The following FHIT variants were observed in gnomAD, a reference collection of about 807,000 sequenced individuals.
FHIT encodes the protein fragile histidine triad diadenosine triphosphatase, also known as bis(5'-adenosyl)-triphosphatase.
In FHIT, 19 loss-of-function variants were observed where a neutral mutation model predicts 17.9. That is an observed-to-expected ratio of 1.06 (90% CI 0.74 to 1.56). The LOEUF is 1.56. Among genes scored for constraint, FHIT ranks in the 40% most tolerant of loss-of-function variants. The pLI is 0.00. For missense variants in FHIT, 248 were observed against 189.2 expected, an observed-to-expected ratio of 1.31 and a Z score of -1.82; for synonymous variants, 81 against 69.7, an observed-to-expected ratio of 1.16 and a Z score of -0.81.
rs2107228270 is a variant in FHIT, at chr3:60,123,112, T to C, written c.104-108960A>G. ...TTTTAAAGCCTATATTAAAGTAGGCTTAAGCAAGCACGGAAAAGAAAGCCA... is the reference window on the plus strand; with the variant it reads ...TTTTAAAGCCTATATTAAAGTAGGCCTAAGCAAGCACGGAAAAGAAAGCCA... On this transcript the variant is annotated intron_variant, in intron 5 of 9. Transcript: ENST00000492590. Among the ~76,000 whole-genome samples, 2 of 152,284 alleles carry C rather than the reference T, an allele frequency of 1.3e-5. 1 individual carries two copies. The highest frequency in any genetic ancestry group is 4.1e-4 in the South Asian group (2 of 4,828).
chr3:60,951,793 C>T (rs1265388917), intron 3 of FHIT, among the ~76,000 whole-genome samples: 1 of 152,184 alleles, frequency 6.6e-6, no homozygotes, highest in Non-Finnish European at 1.5e-5. Flanking sequence ...CCTTGTTCTT[C>T]ATTAACTAGT....
chr3:60,473,453 A>T (rs1210643206), intron 5 of FHIT, among the ~76,000 whole-genome samples: 2 of 152,192 alleles, frequency 1.3e-5, no homozygotes, highest in Admixed American at 1.3e-4. Context: ...CATTATCAAG[A>T]GAGAATAAAT....
intron 4 of FHIT, among the ~76,000 whole-genome samples, chr3:60,544,227 A>G (rs2036285895): frequency 1.3e-5 from 2 of 151,874 alleles, no homozygotes; most frequent in South Asian, 4.1e-4. Flanking sequence ...CCTGACCTTA[A>G]GAGGGCTGAG....
chr3:60,055,463 T>TTTTC (rs1553666707), intron 5 of FHIT, among the ~76,000 whole-genome samples: 15 of 151,342 alleles, frequency 9.9e-5, no homozygotes, highest in Non-Finnish European at 2.1e-4. Context: ...TTTTTTTTTT[T>TTTTC]CCAATTCTCA....
chr3:60,257,670 A>G (rs1250050198), intron 5 of FHIT, among the ~76,000 whole-genome samples: 1 of 152,204 alleles, frequency 6.6e-6, no homozygotes, highest in Non-Finnish European at 1.5e-5. Flanking sequence ...TACAAGCAGA[A>G]ATTTCTTTGA....
chr3:61,091,121 G>GA (rs1297481464), intron 2 of FHIT, among the ~76,000 whole-genome samples: 1 of 152,016 alleles, frequency 6.6e-6, no homozygotes, highest in African/African-American at 2.4e-5. Context: ...ATAAAGACAA[G>GA]AAAAAATATG....
chr3:61,182,993 T>C (rs1576165918), intron 2 of FHIT, among the ~76,000 whole-genome samples: 1 of 152,216 alleles, frequency 6.6e-6, no homozygotes, highest in Non-Finnish European at 1.5e-5. Flanking sequence ...GGTCTCTTCA[T>C]TGTGGCTGAC....
intron 5 of FHIT, among the ~76,000 whole-genome samples, chr3:60,130,805 A>ATGTGTGTG (rs1559660804): frequency 1.5e-5 from 2 of 137,190 alleles, no homozygotes; most frequent in South Asian, 4.3e-4. Context: ...ACACACATAT[A>ATGTGTGTG]TATGTGTGTA....
intron 3 of FHIT, among the ~76,000 whole-genome samples, chr3:60,898,471 A>C (rs1705941428): frequency 6.6e-6 from 1 of 152,132 alleles, no homozygotes; most frequent in South Asian, 2.1e-4. Flanking sequence ...GGTTCCCTTT[A>C]CCCACACTGA....
At chr3:60,689,125 C>T (rs1553699089) in intron 4 of FHIT, among the ~76,000 whole-genome samples, 1 of 152,278 alleles carries the variant, frequency 6.6e-6, no homozygotes, top group South Asian at 2.1e-4. Context: ...ACAGGAGTTT[C>T]CCTGCACAAG....
At chr3:60,542,862 C>T (rs2036229593) in intron 4 of FHIT, among the ~76,000 whole-genome samples, 1 of 152,136 alleles carries the variant, frequency 6.6e-6, no homozygotes, top group Non-Finnish European at 1.5e-5. Context: ...CCTATATTTT[C>T]TTCTATCGAC....
intron 5 of FHIT, among the ~76,000 whole-genome samples, chr3:60,309,985 G>C (rs926128031): frequency 6.6e-6 from 1 of 152,076 alleles, no homozygotes; most frequent in Admixed American, 6.5e-5. Flanking sequence ...GCTCCTTGAG[G>C]ACAAGGACAC....
rs538879854 is a variant in FHIT, at chr3:60,493,381, T to A, written c.103+43479A>T. 3.9e-5 allele frequency among the ~76,000 whole-genome samples: 6 copies of A among 152,338 alleles called. No individual in the cohort carries two copies. In the South Asian group the frequency reaches 1.0e-3, roughly 26 times the overall value. On this transcript the variant is annotated intron_variant, in intron 5 of 9. Coordinates refer to ENST00000492590, the MANE Select transcript of FHIT (RefSeq NM_002012.4). ...TAAATTTCATTTTAACCTTCCTGAA[T>A]CTGCCTAAATTTTCTCATCTTATCA...
chr3:59,942,885 G>A (rs573859680), intron 7 of FHIT, among the ~76,000 whole-genome samples: 9 of 152,034 alleles, frequency 5.9e-5, no homozygotes, highest in African/African-American at 2.2e-4. Context: ...CTGGGCTCAA[G>A]CAATCCTCCC....
chr3:60,370,484 A>G (rs760591915), intron 5 of FHIT, among the ~76,000 whole-genome samples: 1 of 152,172 alleles, frequency 6.6e-6, no homozygotes, highest in Non-Finnish European at 1.5e-5. Context: ...AAGAGTTTAA[A>G]TATTCATCTA....
intron 5 of FHIT, among the ~76,000 whole-genome samples, chr3:60,096,076 A>G (rs1576088665): frequency 6.6e-6 from 1 of 152,164 alleles, no homozygotes. Context: ...GGCCAGTGAC[A>G]CCCTGCCCAG....
At chr3:61,008,107 C>A (rs1369972480) in intron 3 of FHIT, among the ~76,000 whole-genome samples, 1 of 152,214 alleles carries the variant, frequency 6.6e-6, no homozygotes, top group Non-Finnish European at 1.5e-5. Context: ...TAATCACCTG[C>A]ACACCCATCT....
chr3:60,693,810 C>CT (rs2041049529), intron 4 of FHIT, among the ~76,000 whole-genome samples: 1 of 152,188 alleles, frequency 6.6e-6, no homozygotes, highest in Admixed American at 6.5e-5. Flanking sequence ...CATCAGGCTT[C>CT]TCACTGGTCC....
intron 5 of FHIT, among the ~76,000 whole-genome samples, chr3:60,141,369 C>G (rs1015537269): frequency 1.4e-5 from 2 of 146,258 alleles, no homozygotes; most frequent in African/African-American, 5.1e-5. Flanking sequence ...GATATTGAGA[C>G]AGCATGATGC....
Sources: allele counts gnomAD v4.1 joint callset (sites outside exome capture counted in the v4.1 genomes callset), GRCh38; gene constraint gnomAD v4.1.1; transcripts MANE v1.5; gene names NCBI Gene and HGNC (gene_info 2026-07-23, HGNC 2026-07-21).